FRMD4A: variants seen among roughly 807,000 people sequenced by gnomAD.
FRMD4A encodes FERM domain containing 4A, also known as FERM domain-containing protein 4A.
In FRMD4A, 29 loss-of-function variants were observed where a neutral mutation model predicts 129.1. The observed-to-expected ratio is 0.22, with a 90% confidence interval of 0.17 to 0.31. FRMD4A has a LOEUF of 0.31. Among genes scored for constraint, FRMD4A ranks in the 10% least tolerant of loss-of-function variants. The pLI, the probability that FRMD4A is intolerant of heterozygous loss-of-function variation, is 1.00. For missense variants in FRMD4A, 1,272 were observed against 1,375.8 expected, an observed-to-expected ratio of 0.92 and a Z score of 1.19; for synonymous variants, 634 against 571.6, an observed-to-expected ratio of 1.11 and a Z score of -1.56.
At chr10:14,322,777 A>G (rs1409464613) in intron 2 of FRMD4A, among the ~76,000 whole-genome samples, 1 of 152,216 alleles carries the variant, frequency 6.6e-6, no homozygotes, top group Non-Finnish European at 1.5e-5. Flanking sequence ...ACCAGGCTAA[A>G]TACCGTATGT....
chr10:13,844,573 T>C (rs2130987383), intron 3 of FRMD4A, among the ~76,000 whole-genome samples: 1 of 152,294 alleles, frequency 6.6e-6, no homozygotes, highest in Non-Finnish European at 1.5e-5. Context: ...CTATCGACAA[T>C]TTAAAATTTA....
intron 2 of FRMD4A, among the ~76,000 whole-genome samples, chr10:13,870,068 G>A (rs1445897460): frequency 1.3e-5 from 2 of 152,152 alleles, no homozygotes; most frequent in African/African-American, 4.8e-5. Context: ...TCCTTACAAA[G>A]GAAAGGGAGC....
chr10:13,955,712 G>T (rs955014228), intron 2 of FRMD4A, among the ~76,000 whole-genome samples: 1 of 152,222 alleles, frequency 6.6e-6, no homozygotes, highest in Non-Finnish European at 1.5e-5. Context: ...TGCCCTGCCG[G>T]GGTCTACTTT....
chr10:14,184,108 T>C (rs1394981088), intron 2 of FRMD4A, among the ~76,000 whole-genome samples: 4 of 147,376 alleles, frequency 2.7e-5, no homozygotes, highest in African/African-American at 9.9e-5. Flanking sequence ...TTTCCTTTTT[T>C]GTTTTTCTTT....
chr10:14,107,579 A>G (rs1486730364), intron 2 of FRMD4A, among the ~76,000 whole-genome samples: 1 of 152,170 alleles, frequency 6.6e-6, no homozygotes, highest in East Asian at 1.9e-4. Context: ...ACTTTGCTGC[A>G]TCATTTTTCC....
At chr10:13,895,291 A>C (rs1441451393) in intron 2 of FRMD4A, among the ~76,000 whole-genome samples, 6 of 152,148 alleles carry the variant, frequency 3.9e-5, no homozygotes, top group Non-Finnish European at 7.3e-5. Context: ...CTATGTGTCC[A>C]TGTGTTCTCA....
At chr10:13,889,422 C>T (rs1047264357) in intron 2 of FRMD4A, among the ~76,000 whole-genome samples, 1 of 152,162 alleles carries the variant, frequency 6.6e-6, no homozygotes, top group Non-Finnish European at 1.5e-5. Flanking sequence ...ACAATAACAT[C>T]GAGAGCTGTG....
intron 6 of FRMD4A, among the ~76,000 whole-genome samples, chr10:13,780,157 T>C (rs991284519): frequency 6.6e-6 from 1 of 151,998 alleles, no homozygotes; most frequent in Non-Finnish European, 1.5e-5. Context: ...CAAAACCCCA[T>C]CTCTATTAAA....
intron 2 of FRMD4A, among the ~76,000 whole-genome samples, chr10:14,299,861 G>C (rs551037062): frequency 6.6e-6 from 1 of 152,180 alleles, no homozygotes; most frequent in Non-Finnish European, 1.5e-5. Context: ...GAGACCGAAG[G>C]AGCAGGCGTC....
chr10:13,936,556 C>A (rs1403087167), intron 2 of FRMD4A, among the ~76,000 whole-genome samples: 2 of 152,100 alleles, frequency 1.3e-5, no homozygotes, highest in Non-Finnish European at 2.9e-5. Context: ...CCAGAATCTC[C>A]CTCACCCCTT....
chr10:14,127,948 T>TTCTTTCTTTCTTTCTTTCTC (rs1221892483), intron 2 of FRMD4A, among the ~76,000 whole-genome samples: 2 of 18,822 alleles, frequency 1.1e-4, no homozygotes, highest in African/African-American at 6.9e-4. Context: ...CTTTCTTTCT[T>TTCTTTCTTTCTTTCTTTCTC]TCTTTCTTTC....
At position 14,051,614 on chromosome 10, in the gene FRMD4A, G is replaced by A. The variant is rs887945242; in HGVS notation, c.46-192702C>T. ...CCTGAAACCTCCATGGTTGACACTG[G>A]CAGATTCAGCAGCCTGGGGAGCAGC... On this transcript the variant is annotated intron_variant, in intron 2 of 24. Transcript: ENST00000357447. 2.0e-5 allele frequency among the ~76,000 whole-genome samples: 3 copies of A among 152,332 alleles called. No homozygotes were observed. The South Asian group carries it at 6.2e-4, about 32-fold the overall frequency.
chr10:14,047,497 G>C (rs1182079415), intron 2 of FRMD4A, among the ~76,000 whole-genome samples: 1 of 152,152 alleles, frequency 6.6e-6, no homozygotes, highest in Non-Finnish European at 1.5e-5. Flanking sequence ...AGGATCTCTA[G>C]GCAATCTTTA....
At chr10:13,704,834 G>A (rs1333773499) in intron 13 of FRMD4A, among the ~76,000 whole-genome samples, 1 of 151,926 alleles carries the variant, frequency 6.6e-6, no homozygotes, top group African/African-American at 2.4e-5. Context: ...ACTTTGAGAG[G>A]CCAAGATGGG....
chr10:13,679,923 A>G (rs1288270484), intron 15 of FRMD4A, among the ~76,000 whole-genome samples: 2 of 152,122 alleles, frequency 1.3e-5, no homozygotes, highest in Non-Finnish European at 2.9e-5. Flanking sequence ...CAGGAGAGGG[A>G]GCCCAAAATG....
chr10:13,988,431 C>T (rs2095590218), intron 2 of FRMD4A, among the ~76,000 whole-genome samples: 1 of 152,152 alleles, frequency 6.6e-6, no homozygotes, highest in African/African-American at 2.4e-5. Context: ...TGTGTTTAGT[C>T]CCTTCCTTTC....
At chr10:13,807,659 T>G (rs1046718545) in intron 4 of FRMD4A, among the ~76,000 whole-genome samples, 15 of 152,234 alleles carry the variant, frequency 9.9e-5, no homozygotes, top group African/African-American at 3.6e-4. Flanking sequence ...TAGAGAAATT[T>G]CCAATTTCCT....
At chr10:14,084,248 G>T (rs1422578771) in intron 2 of FRMD4A, among the ~76,000 whole-genome samples, 3 of 152,192 alleles carry the variant, frequency 2.0e-5, no homozygotes, top group African/African-American at 7.2e-5. Flanking sequence ...CTGGGTTCAA[G>T]TGATTCTCTT....
rs1347078117 is a variant in FRMD4A at position 13,696,738 on chromosome 10, T to G, written c.976-2699A>C. On this transcript the variant is annotated intron_variant, in intron 14 of 24. Transcript: ENST00000357447. ...TCTCATTCCAGGCTGGGTGCTAGAG[T>G]GAGACTGTCTAAAAAAAAAGACCTG... 3.1e-5 allele frequency among the ~76,000 whole-genome samples: 4 copies of G among 128,124 alleles called. No homozygotes were observed. The East Asian group carries it at 9.2e-4, about 30-fold the overall frequency. The allele number at this position is 128,124 out of a possible 152,430, so 84.1% of individuals were successfully genotyped here. A position where few individuals can be genotyped will look rare whatever the true frequency, so the allele number is the denominator to read the frequency against.
Sources: gnomAD v4.1 joint callset for allele counts (sites outside exome capture counted in the v4.1 genomes callset) on GRCh38, gnomAD v4.1.1 for gene constraint, MANE v1.5 for transcripts, NCBI Gene and HGNC (gene_info 2026-07-23, HGNC 2026-07-21) for gene names.